The following FILIP1 variants were observed in gnomAD, a reference collection of about 807,000 sequenced individuals.
FILIP1 encodes filamin-A-interacting protein 1.
FILIP1 carries 61 observed loss-of-function variants against 102.1 expected under a neutral mutation model. The ratio of observed to expected loss-of-function variants is 0.60; its 90% CI spans 0.49 to 0.74. The LOEUF (loss-of-function observed/expected upper bound fraction) is 0.74, where lower values mean the gene tolerates loss of function less well. FILIP1 is among the 30% of genes least tolerant of loss of function. FILIP1 has a pLI of 0.00. For synonymous variants in FILIP1, 491 were observed against 526.9 expected (o/e 0.93, Z 0.93); for missense variants, 1,314 against 1,441.2 (o/e 0.91, Z 1.43).
At chr6:75,433,056 T>C (rs1000856155) in intron 1 of FILIP1, among the ~76,000 whole-genome samples, 1 of 152,238 alleles carries the variant, frequency 6.6e-6, no homozygotes, top group Non-Finnish European at 1.5e-5. Flanking sequence ...ATGTGCCACA[T>C]TTTCTTAATC....
At chr6:75,441,635 A>G (rs1316127548) in intron 1 of FILIP1, among the ~76,000 whole-genome samples, 2 of 139,124 alleles carry the variant, frequency 1.4e-5, no homozygotes, top group African/African-American at 2.8e-5. Flanking sequence ...TCCCTCCCGG[A>G]CGGGGCGGCT....
intron 6 of FILIP1, among the ~76,000 whole-genome samples, chr6:75,296,268 A>G (rs1260289662): frequency 6.6e-6 from 1 of 151,050 alleles, no homozygotes; most frequent in African/African-American, 2.4e-5. Context: ...AAACCAGACT[A>G]TTTCCTAGAA....
intron 2 of FILIP1, among the ~76,000 whole-genome samples, chr6:75,414,281 CT>C (rs779493851): frequency 4.8e-4 from 73 of 151,916 alleles, no homozygotes; most frequent in Non-Finnish European, 7.4e-4. Context: ...CTCCTTCTCT[CT>C]TTCACTCTAC....
At chr6:75,362,719 G>T (rs774008654) in intron 3 of FILIP1, 25 bp downstream of exon 3, 2 of 1,606,544 alleles carry the variant, frequency 1.2e-6, no homozygotes, top group Non-Finnish European at 1.7e-6. Context: ...CCCATCCAGG[G>T]GACTTGTTGG....
At chr6:75,368,857 C>T (rs1269587196) in intron 2 of FILIP1, among the ~76,000 whole-genome samples, 2 of 152,086 alleles carry the variant, frequency 1.3e-5, no homozygotes, top group African/African-American at 4.8e-5. Context: ...AGCAGGACAG[C>T]GATGGTCAGA....
chr6:75,353,461 A>G (rs899276212), intron 4 of FILIP1, 78 bp downstream of exon 4: 4 of 1,506,520 alleles, frequency 2.7e-6, no homozygotes, highest in Admixed American at 3.7e-5. Flanking sequence ...TGGCTGAAAG[A>G]CTGATCCCTG....
chr6:75,329,808 T>C (rs1774007596), intron 4 of FILIP1, among the ~76,000 whole-genome samples: 1 of 152,214 alleles, frequency 6.6e-6, no homozygotes, highest in Non-Finnish European at 1.5e-5. Flanking sequence ...ATAGTAGGTA[T>C]ATACACTTAT....
intron 4 of FILIP1, among the ~76,000 whole-genome samples, chr6:75,341,622 T>A (rs147881319): frequency 6.6e-6 from 1 of 152,292 alleles, no homozygotes; most frequent in Middle Eastern, 3.4e-3. Flanking sequence ...ATAGTTTGTA[T>A]GTAATATAGT....
At chr6:75,319,102 T>A (rs1773549496) in intron 4 of FILIP1, 2 of 729,904 alleles carry the variant, frequency 2.7e-6, no homozygotes, top group Admixed American at 3.8e-5. Flanking sequence ...TTCATCTTCC[T>A]CCTCTTCCTT....
At chr6:75,321,215 G>A (rs890131395) in intron 4 of FILIP1, among the ~76,000 whole-genome samples, 6 of 152,094 alleles carry the variant, frequency 3.9e-5, no homozygotes, top group East Asian at 1.9e-4. Flanking sequence ...GACTGTTGTC[G>A]TTTTTTTGTT....
At chr6:75,346,637 C>T (rs377460616) in intron 4 of FILIP1, among the ~76,000 whole-genome samples, 22 of 152,236 alleles carry the variant, frequency 1.4e-4, no homozygotes, top group East Asian at 3.9e-4. Context: ...TTCCCAACCC[C>T]GGGAAGCTAC....
intron 1 of FILIP1, among the ~76,000 whole-genome samples, chr6:75,465,742 A>C (rs1300878927): frequency 6.6e-6 from 1 of 152,214 alleles, no homozygotes; most frequent in Non-Finnish European, 1.5e-5. Flanking sequence ...ATTTTTGTCC[A>C]CTTGAAATAT....
intron 4 of FILIP1, among the ~76,000 whole-genome samples, chr6:75,341,807 A>G (rs773585571): frequency 1.5e-4 from 23 of 152,236 alleles, no homozygotes; most frequent in Non-Finnish European, 2.2e-4. Context: ...CTCAAACAAT[A>G]GAAGAGTTTA....
chr6:75,343,332 A>C (rs2149590629), intron 4 of FILIP1, among the ~76,000 whole-genome samples: 1 of 152,328 alleles, frequency 6.6e-6, no homozygotes, highest in South Asian at 2.1e-4. Context: ...CAGACCAAGC[A>C]AACTAAGATA....
At chr6:75,374,934 G>A (rs1190892482) in intron 2 of FILIP1, among the ~76,000 whole-genome samples, 5 of 150,468 alleles carry the variant, frequency 3.3e-5, no homozygotes, top group African/African-American at 1.0e-4. Flanking sequence ...TTTGCAGCTC[G>A]AGGGGGAAAT....
rs1374589429 is a variant in FILIP1, at chr6:75,318,340, A to G, written c.630-3138T>C. Among the ~76,000 whole-genome samples, 3 of 147,584 alleles carry G rather than the reference A, an allele frequency of 2.0e-5. No homozygotes were observed. The East Asian group carries it at 6.0e-4, about 30-fold the overall frequency. ...AGCCTCAACGTTTTGTGCTCAAACT[A>G]TCCTTCGACCTCAGCCTCCCAAATG... On this transcript the variant is annotated intron_variant, in intron 4 of 5. Transcript: ENST00000237172.
At chr6:75,472,559 C>A (rs1329905065) in intron 1 of FILIP1, among the ~76,000 whole-genome samples, 1 of 151,996 alleles carries the variant, frequency 6.6e-6, no homozygotes, top group East Asian at 1.9e-4. Flanking sequence ...CTGTGAAGGC[C>A]AAACATACAA....
At chr6:75,331,163 T>C (rs1398061799) in intron 4 of FILIP1, among the ~76,000 whole-genome samples, 2 of 152,326 alleles carry the variant, frequency 1.3e-5, no homozygotes, top group East Asian at 3.9e-4. Flanking sequence ...TTTAAATTTA[T>C]AAATGCTATA....
chr6:75,389,334 T>C (rs1049904669), intron 2 of FILIP1, among the ~76,000 whole-genome samples: 18 of 152,178 alleles, frequency 1.2e-4, no homozygotes, highest in Non-Finnish European at 2.5e-4. Flanking sequence ...TGAAATGTTC[T>C]TTTTCTGTTG....
Sources: allele counts gnomAD v4.1 joint callset (sites outside exome capture counted in the v4.1 genomes callset), GRCh38; gene constraint gnomAD v4.1.1; transcripts MANE v1.5; gene names NCBI Gene and HGNC (gene_info 2026-07-23, HGNC 2026-07-21).